SIX6: variants seen among roughly 807,000 people sequenced by gnomAD.
SIX6 encodes the protein homeobox protein SIX6.
A neutral mutation model predicts 23.6 loss-of-function variants in SIX6; 14 were observed. That is an observed-to-expected ratio of 0.59 (90% CI 0.39 to 0.93). The LOEUF (loss-of-function observed/expected upper bound fraction) is 0.93, where lower values mean the gene tolerates loss of function less well. SIX6 is among the 40% of genes least tolerant of loss of function. SIX6 has a pLI of 0.00. For missense variants in SIX6, 307 were observed against 325.6 expected (o/e 0.94, Z 0.44); for synonymous variants, 128 against 144.9 (o/e 0.88, Z 0.84).
chr14:60,511,600 G>T lies in SIX6; in HGVS notation c.*348G>T. 2.2e-6 allele frequency: 1 copy of T among 465,084 alleles called. No individual in the cohort carries two copies. The highest frequency in any genetic ancestry group is 2.2e-5 in the South Asian group (1 of 46,032). The allele number at this position is 465,084 out of a possible 1,614,324, so 28.8% of individuals were successfully genotyped here. A position where few individuals can be genotyped will look rare whatever the true frequency, so the allele number is the denominator to read the frequency against. On this transcript the variant is annotated 3_prime_UTR_variant, in exon 2 of 2. Transcript: ENST00000327720. ...CATGGGTATTTCACGTCGAAAGGAC[G>T]CTGTTACATATGTATAACTTTCGCT...
At position 60,511,310 on chromosome 14, in the gene SIX6, T is replaced by C. The variant is rs1221110532; in HGVS notation, c.*58T>C. ...CAGTGTAAAAACGAGAAAAACAAAATGAAAGAGGGGAAGAAGATGAGAGAC... is the reference window on the plus strand; with the variant it reads ...CAGTGTAAAAACGAGAAAAACAAAACGAAAGAGGGGAAGAAGATGAGAGAC... On this transcript the variant is annotated 3_prime_UTR_variant, in exon 2 of 2. Transcript: ENST00000327720. 1 of 1,569,710 alleles carries C rather than the reference T, an allele frequency of 6.4e-7. No individual in the cohort carries two copies. The highest frequency in any genetic ancestry group is 8.8e-7 in the Non-Finnish European group (1 of 1,140,802).
rs1893303341 is a variant in SIX6, at chr14:60,512,044, CCTATACAAACATATGTAT to C, written c.*793_*810del. On this transcript the variant is annotated 3_prime_UTR_variant, in exon 2 of 2. Coordinates refer to ENST00000327720, the MANE Select transcript of SIX6 (RefSeq NM_007374.3). ...GTACCTATACAAACATATGTATGTACCTATACAAACATATGTATGTATGCATACACGTGATATATTTAA... is the reference window on the plus strand; with the variant it reads ...GTACCTATACAAACATATGTATGTACGTATGCATACACGTGATATATTTAA... 2 of 18,616 alleles carry C rather than the reference CCTATACAAACATATGTAT, an allele frequency of 1.1e-4. No homozygotes were observed. Among genetic ancestry groups the C allele is most frequent in the Non-Finnish European group, 3.3e-4 (2 of 6,068 alleles). The allele number at this position is 18,616 out of a possible 1,614,324, so 1.2% of individuals were successfully genotyped here. A position where few individuals can be genotyped will look rare whatever the true frequency, so the allele number is the denominator to read the frequency against.
At chr14:60,510,974 C>A in intron 1 of SIX6, 110 bp from the exon 2 acceptor site, 1 of 1,160,248 alleles carries the variant, frequency 8.6e-7, no homozygotes, top group South Asian at 1.4e-5. Context: ...CTGCTGGGGT[C>A]TTCGGAAGAA....
chr14:60,510,592 C>T (rs1213513500), intron 1 of SIX6, among the ~76,000 whole-genome samples: 2 of 152,106 alleles, frequency 1.3e-5, no homozygotes, highest in African/African-American at 4.8e-5. Context: ...CGGCCTCATC[C>T]CCCAGGCCCA....
intron 1 of SIX6, among the ~76,000 whole-genome samples, chr14:60,510,467 C>T (rs1478984934): frequency 1.3e-5 from 2 of 152,212 alleles, no homozygotes; most frequent in African/African-American, 2.4e-5. Flanking sequence ...GAGTTTTCCT[C>T]TTCCCATGCG....
In SIX6 at chr14:60,512,344, G is replaced by A. The variant is rs1216298972; in HGVS notation, c.*1092G>A. On this transcript the variant is annotated 3_prime_UTR_variant, in exon 2 of 2. Transcript: ENST00000327720. Reference sequence around the variant, plus strand: ...GGCCCCCTCCAATACAAAAGCAGCAGGCACCCATGATCATGCTAGAGTGAG... The same window carrying A: ...GGCCCCCTCCAATACAAAAGCAGCAAGCACCCATGATCATGCTAGAGTGAG... 1 of 152,170 alleles carries A rather than the reference G, an allele frequency of 6.6e-6. No homozygotes were observed. The highest frequency in any genetic ancestry group is 1.5e-5 in the Non-Finnish European group (1 of 68,036). The allele number at this position is 152,170 out of a possible 1,614,324, so 9.4% of individuals were successfully genotyped here.
intron 1 of SIX6, 54 bp from the exon 2 acceptor site, chr14:60,511,030 G>A: frequency 6.3e-7 from 1 of 1,574,852 alleles, no homozygotes; most frequent in Non-Finnish European, 8.6e-7. Flanking sequence ...GTGGGGGCGG[G>A]CGACGGGCGG....
Position 60,509,809 on chromosome 14 carries a change from G to A in SIX6, c.411G>A (p.Glu137=), listed in dbSNP as rs1893262777. The A allele has an allele frequency of 6.2e-7, 1 of 1,613,752 alleles. No homozygotes were observed. Among genetic ancestry groups the A allele is most frequent in the Non-Finnish European group, 8.5e-7 (1 of 1,179,784 alleles). Residue 137 remains glutamate, a synonymous_variant, in exon 1 of 2, where the codon GAG becomes GAA. Transcript: ENST00000327720. ...AACAGAAGACACACTGCTTCAAGGA[G>A]CGCACGCGGCACCTGCTACGCGAGT... ...DGEQKTHCFK[E]RTRHLLREWY... is the part of the protein sequence containing the mutation.
Position 60,511,261 on chromosome 14 carries a change from T to A in SIX6, c.*9T>A. Reference sequence around the variant, plus strand: ...GCGAGTGCGACATCTGAGTTGCCCATCCAGGATGCTCAGAAGCAGATTCCA... The same window carrying A: ...GCGAGTGCGACATCTGAGTTGCCCAACCAGGATGCTCAGAAGCAGATTCCA... On this transcript the variant is annotated 3_prime_UTR_variant, in exon 2 of 2. Coordinates refer to ENST00000327720, the MANE Select transcript of SIX6 (RefSeq NM_007374.3). 6.2e-7 allele frequency: 1 copy of A among 1,613,058 alleles called. No homozygotes were observed. The highest frequency in any genetic ancestry group is 8.5e-7 in the Non-Finnish European group (1 of 1,179,636).
At chr14:60,510,100 T>C in intron 1 of SIX6, 130 bp downstream of exon 1, 1 of 826,624 alleles carries the variant, frequency 1.2e-6, no homozygotes, top group African/African-American at 1.7e-5. Flanking sequence ...TGTCTTGGGT[T>C]AAGAGCCCTG....
Position 60,509,182 on chromosome 14 carries a change from C to T in SIX6, c.-217C>T. The T allele has an allele frequency of 1.7e-6, 1 of 584,654 alleles. No homozygotes were observed. Among genetic ancestry groups the T allele is most frequent in the Non-Finnish European group, 3.0e-6 (1 of 328,354 alleles). 36.2% of individuals were successfully genotyped at this position (584,654 alleles called of 1,614,324 possible). A position where few individuals can be genotyped will look rare whatever the true frequency, so the allele number is the denominator to read the frequency against. On this transcript the variant is annotated 5_prime_UTR_variant, in exon 1 of 2. Coordinates refer to ENST00000327720, the MANE Select transcript of SIX6 (RefSeq NM_007374.3). ...CAGCTCGCCTGCCGGCGTGCCTGAG[C>T]CGAGCCGAGCCCGAACCCCAAGCCG...
chr14:60,511,240 GTGCGACATCTGAGT>G lies in SIX6; in HGVS notation c.733_*5del. On this transcript the variant is annotated stop_lost and 3_prime_UTR_variant, in exon 2 of 2. Coordinates refer to ENST00000327720, the MANE Select transcript of SIX6 (RefSeq NM_007374.3). ...TCTCCATCACGTCCAGCGACAGCGAGTGCGACATCTGAGTTGCCCATCCAGGATGCTCAGAAGCA... is the reference window on the plus strand; with the variant it reads ...TCTCCATCACGTCCAGCGACAGCGAGTGCCCATCCAGGATGCTCAGAAGCA... The G allele has an allele frequency of 6.2e-7, 1 of 1,613,430 alleles. No individual in the cohort carries two copies. The highest frequency in any genetic ancestry group is 8.5e-7 in the Non-Finnish European group (1 of 1,179,942).
Position 60,511,270 on chromosome 14 carries a change from C to T in SIX6, c.*18C>T. The T allele has an allele frequency of 6.2e-7, 1 of 1,612,610 alleles. No homozygotes were observed. The highest frequency in any genetic ancestry group is 8.5e-7 in the Non-Finnish European group (1 of 1,179,264). On this transcript the variant is annotated 3_prime_UTR_variant, in exon 2 of 2. Coordinates refer to ENST00000327720, the MANE Select transcript of SIX6 (RefSeq NM_007374.3). ...ACATCTGAGTTGCCCATCCAGGATG[C>T]TCAGAAGCAGATTCCAGTGTAAAAA...
rs1893294655 is a variant in SIX6, at chr14:60,511,536, G to C, written c.*284G>C. On this transcript the variant is annotated 3_prime_UTR_variant, in exon 2 of 2. Coordinates refer to ENST00000327720, the MANE Select transcript of SIX6 (RefSeq NM_007374.3). Reference sequence around the variant, plus strand: ...GGATTTTGCTGCAAAGTCTCCTTCGGAACCCGAACTGCAAGCTGAGCGCCT... The same window carrying C: ...GGATTTTGCTGCAAAGTCTCCTTCGCAACCCGAACTGCAAGCTGAGCGCCT... The C allele has an allele frequency of 1.8e-6, 1 of 560,638 alleles. No individual in the cohort carries two copies. The highest frequency in any genetic ancestry group is 1.9e-5 in the African/African-American group (1 of 53,164). 34.7% of individuals were successfully genotyped at this position (560,638 alleles called of 1,614,324 possible).
rs1315708072 is a variant in SIX6 at position 60,509,874 on chromosome 14, G to A, written c.476G>A (p.Arg159His). ...QDPYPNPSKKRELAQATGLTP... is the reference protein window; with the variant it reads ...QDPYPNPSKKHELAQATGLTP... ...CCATACCCTAACCCCAGCAAAAAAC[G>A]TGAGCTCGCCCAGGCAACCGGACTG... Residue 159 changes from arginine to histidine, a missense_variant, in exon 1 of 2, where the codon CGT (arginine) becomes CAT (histidine). Physicochemically the swap from Arg to His is conservative, Grantham distance 29. Transcript: ENST00000327720. 6.2e-7 allele frequency: 1 copy of A among 1,613,622 alleles called. No individual in the cohort carries two copies. Among genetic ancestry groups the A allele is most frequent in the South Asian group, 1.1e-5 (1 of 90,998 alleles).
chr14:60,509,765 C>T lies in SIX6; in HGVS notation c.367C>T (p.Arg123Cys). Residue 123 changes from arginine to cysteine, a missense_variant, in exon 1 of 2, where the codon CGC becomes TGC. By Grantham distance (180) the Arg-to-Cys change is radical. Coordinates refer to ENST00000327720, the MANE Select transcript of SIX6 (RefSeq NM_007374.3). Reference sequence around the variant, plus strand: ...AGTAAGGAAGAAGTTCCCGCTGCCGCGCACCATTTGGGACGGCGAACAGAA... The same window carrying T: ...AGTAAGGAAGAAGTTCCCGCTGCCGTGCACCATTTGGGACGGCGAACAGAA... ...YRVRKKFPLPRTIWDGEQKTH... is the reference protein window; with the variant it reads ...YRVRKKFPLPCTIWDGEQKTH... The T allele has an allele frequency of 6.2e-7, 1 of 1,613,216 alleles. No individual in the cohort carries two copies. Among genetic ancestry groups the T allele is most frequent in the Non-Finnish European group, 8.5e-7 (1 of 1,179,298 alleles).
intron 1 of SIX6, among the ~76,000 whole-genome samples, chr14:60,510,662 G>A (rs953869087): frequency 2.0e-5 from 3 of 152,144 alleles, no homozygotes; most frequent in Non-Finnish European, 4.4e-5. Flanking sequence ...ACGCGATCGC[G>A]GGAGCACTTG....
At position 60,511,238 on chromosome 14, in the gene SIX6, G is replaced by A; in HGVS notation, c.727G>A (p.Glu243Lys). 6.2e-7 allele frequency: 1 copy of A among 1,613,436 alleles called. No individual in the cohort carries two copies. The change falls in exon 2 of 2, where the codon GAG (glutamate) becomes AAG (lysine). Residue 243 changes from glutamate to lysine, a missense_variant. Transcript: ENST00000327720. ...CATCTCCATCACGTCCAGCGACAGC[G>A]AGTGCGACATCTGAGTTGCCCATCC... is the stretch of plus-strand genomic sequence containing the variant. ...SAISITSSDS[E>K]CDI
intron 1 of SIX6, 112 bp downstream of exon 1, chr14:60,510,082 G>C: frequency 1.0e-6 from 1 of 983,434 alleles, no homozygotes; most frequent in South Asian, 1.4e-5. Context: ...GGAGTTGGGA[G>C]CGCGGTCTGT....
Sources: gnomAD v4.1 joint callset for allele counts (sites outside exome capture counted in the v4.1 genomes callset) on GRCh38, gnomAD v4.1.1 for gene constraint, MANE v1.5 for transcripts, NCBI Gene and HGNC (gene_info 2026-07-23, HGNC 2026-07-21) for gene names.